Variants in ASTN2 observed in about 807,000 individuals in gnomAD.
ASTN2 encodes astrotactin 2, also known as astrotactin-2.
A neutral mutation model predicts 139.8 loss-of-function variants in ASTN2; 54 were observed. The ratio of observed to expected loss-of-function variants is 0.39; its 90% CI spans 0.31 to 0.48. ASTN2 has a LOEUF of 0.48. Ranked by LOEUF, ASTN2 falls within the 20% of genes least tolerant of loss-of-function variation. ASTN2 has a pLI of 0.95. For synonymous variants in ASTN2, 756 were observed against 719.5 expected (o/e 1.05, Z -0.81); for missense variants, 1,565 against 1,725.1 (o/e 0.91, Z 1.64).
At chr9:117,235,266 T>C (rs879328852) in intron 2 of ASTN2, among the ~76,000 whole-genome samples, 4 of 148,978 alleles carry the variant, frequency 2.7e-5, no homozygotes, top group Non-Finnish European at 5.9e-5. Context: ...GGGGGGAGGA[T>C]AAAATTTTAT....
intron 20 of ASTN2, among the ~76,000 whole-genome samples, chr9:116,483,687 C>T (rs1849245901): frequency 1.3e-5 from 2 of 151,956 alleles, no homozygotes; most frequent in Admixed American, 6.6e-5. Flanking sequence ...CAGAGAGGCA[C>T]AGTAGTGCAA....
intron 19 of ASTN2, among the ~76,000 whole-genome samples, chr9:116,607,876 G>T (rs139775791): frequency 2.0e-5 from 3 of 152,026 alleles, no homozygotes; most frequent in African/African-American, 7.3e-5. Context: ...CAGGAGAATC[G>T]CTTGAATCTG....
chr9:117,197,452 A>T (rs1443005232), intron 3 of ASTN2: 1 of 152,232 alleles, frequency 6.6e-6, no homozygotes, highest in Non-Finnish European at 1.5e-5. Flanking sequence ...GAGTAAGGTA[A>T]GTATGCATGG....
intron 19 of ASTN2, among the ~76,000 whole-genome samples, chr9:116,522,026 T>C (rs1850898248): frequency 6.6e-6 from 1 of 152,048 alleles, no homozygotes; most frequent in Non-Finnish European, 1.5e-5. Flanking sequence ...GATGTTGGTA[T>C]GGATGCAGTG....
At chr9:117,007,035 T>C (rs1751245914) in intron 7 of ASTN2, among the ~76,000 whole-genome samples, 1 of 152,164 alleles carries the variant, frequency 6.6e-6, no homozygotes, top group African/African-American at 2.4e-5. Context: ...GAGAATCACT[T>C]GAACCTGGGA....
At chr9:116,813,550 T>C (rs1322961405) in intron 12 of ASTN2, among the ~76,000 whole-genome samples, 1 of 152,222 alleles carries the variant, frequency 6.6e-6, no homozygotes, top group Non-Finnish European at 1.5e-5. Context: ...GTTTGTTGTT[T>C]GAAGGAGAAA....
intron 19 of ASTN2, among the ~76,000 whole-genome samples, chr9:116,501,096 G>A (rs948186318): frequency 5.3e-5 from 8 of 152,112 alleles, no homozygotes; most frequent in African/African-American, 1.9e-4. Context: ...AGTAGATAAG[G>A]GAGACTATTT....
At chr9:117,160,158 T>C (rs1194148855) in intron 3 of ASTN2, among the ~76,000 whole-genome samples, 2 of 152,010 alleles carry the variant, frequency 1.3e-5, no homozygotes, top group Admixed American at 1.3e-4. Flanking sequence ...CTGCCCACAG[T>C]GGCCAATGGG....
intron 10 of ASTN2, among the ~76,000 whole-genome samples, chr9:116,911,928 GTAT>G (rs1834323433): frequency 6.6e-6 from 1 of 152,088 alleles, no homozygotes; most frequent in African/African-American, 2.4e-5. Flanking sequence ...AAACCTCTGT[GTAT>G]TATTATCTCT....
intron 19 of ASTN2, among the ~76,000 whole-genome samples, chr9:116,576,018 T>C (rs1198092887): frequency 6.6e-6 from 1 of 152,140 alleles, no homozygotes; most frequent in Non-Finnish European, 1.5e-5. Flanking sequence ...TTTTACAAAG[T>C]AGCAGAATTA....
chr9:117,109,618 T>C (rs1003418742), intron 4 of ASTN2, among the ~76,000 whole-genome samples: 3 of 152,194 alleles, frequency 2.0e-5, no homozygotes, highest in African/African-American at 7.2e-5. Context: ...CAGGTTTTTT[T>C]CTTGATGTGT....
chr9:117,288,303 G>T (rs1587914295), intron 2 of ASTN2, among the ~76,000 whole-genome samples: 1 of 152,276 alleles, frequency 6.6e-6, no homozygotes, highest in Non-Finnish European at 1.5e-5. Context: ...ACCCCAGGAG[G>T]CATGGATGGT....
chr9:116,917,454 C>T (rs1026396004), intron 10 of ASTN2, among the ~76,000 whole-genome samples: 4 of 152,286 alleles, frequency 2.6e-5, no homozygotes, highest in Non-Finnish European at 1.5e-5. Flanking sequence ...TCAATGTTTA[C>T]TGAGTGAATA....
intron 20 of ASTN2, among the ~76,000 whole-genome samples, chr9:116,482,693 C>T (rs1046357801): frequency 2.0e-5 from 3 of 152,078 alleles, no homozygotes; most frequent in Non-Finnish European, 2.9e-5. Flanking sequence ...CTCCCTTCTC[C>T]GGGGCTTTGC....
chr9:117,059,798 C>A (rs1346070092), intron 5 of ASTN2, among the ~76,000 whole-genome samples: 1 of 152,066 alleles, frequency 6.6e-6, no homozygotes, highest in African/African-American at 2.4e-5. Flanking sequence ...ATTCTCTAAT[C>A]AACAAATACT....
intron 2 of ASTN2, among the ~76,000 whole-genome samples, chr9:117,246,864 G>A (rs1341630029): frequency 6.6e-6 from 1 of 152,170 alleles, no homozygotes; most frequent in Admixed American, 6.5e-5. Context: ...AGGACAGGGT[G>A]TATCTGCAAA....
intron 11 of ASTN2, among the ~76,000 whole-genome samples, chr9:116,845,304 A>G (rs916329032): frequency 6.6e-6 from 1 of 152,072 alleles, no homozygotes; most frequent in Non-Finnish European, 1.5e-5. Flanking sequence ...TATTTTTAGT[A>G]GAGACGGGGT....
chr9:117,361,756 A>C (rs927404367), intron 1 of ASTN2, among the ~76,000 whole-genome samples: 4 of 152,140 alleles, frequency 2.6e-5, no homozygotes, highest in Non-Finnish European at 5.9e-5. Flanking sequence ...TATCTATACC[A>C]ATCTCTAGGA....
chr9:116,537,393 T>C (rs1001256999), intron 19 of ASTN2, among the ~76,000 whole-genome samples: 2 of 152,236 alleles, frequency 1.3e-5, no homozygotes, highest in Admixed American at 6.5e-5. Flanking sequence ...ACAATTTACA[T>C]TGATAACTTC....
Sources: gnomAD v4.1 joint callset for allele counts (sites outside exome capture counted in the v4.1 genomes callset) on GRCh38, gnomAD v4.1.1 for gene constraint, MANE v1.5 for transcripts, NCBI Gene and HGNC (gene_info 2026-07-23, HGNC 2026-07-21) for gene names.